Variants in NRXN3 observed in about 807,000 individuals in gnomAD.
The protein encoded by NRXN3 is neurexin 3, also known as neurexin III.
Under a neutral mutation model 137.6 loss-of-function variants are expected in NRXN3, and 32 were observed. The ratio of observed to expected loss-of-function variants is 0.23; its 90% CI spans 0.18 to 0.31. NRXN3 has a LOEUF of 0.31. Among genes scored for constraint, NRXN3 ranks in the 10% least tolerant of loss-of-function variants. The pLI, the probability that NRXN3 is intolerant of heterozygous loss-of-function variation, is 1.00. For missense variants in NRXN3, 1,574 were observed against 2,062.5 expected, an observed-to-expected ratio of 0.76 and a Z score of 4.59; for synonymous variants, 798 against 784.5, an observed-to-expected ratio of 1.02 and a Z score of -0.29.
chr14:78,978,977 G>A (rs1472736303), intron 14 of NRXN3, among the ~76,000 whole-genome samples: 1 of 151,948 alleles, frequency 6.6e-6, no homozygotes, highest in East Asian at 1.9e-4. Context: ...AGAACCAGGA[G>A]CACAAGTGTC....
intron 4 of NRXN3, among the ~76,000 whole-genome samples, chr14:78,308,747 T>G (rs939606365): frequency 6.6e-6 from 1 of 151,932 alleles, no homozygotes; most frequent in Non-Finnish European, 1.5e-5. Context: ...GTGTGTGTGT[T>G]TGTGTGTGTG....
At chr14:79,821,369 C>T (rs188018986) in intron 20 of NRXN3, among the ~76,000 whole-genome samples, 1 of 152,244 alleles carries the variant, frequency 6.6e-6, no homozygotes, top group Admixed American at 6.5e-5. Flanking sequence ...ATGAAATAGA[C>T]CAGACCAGAT....
At chr14:78,611,264 T>C (rs2097297980) in intron 4 of NRXN3, among the ~76,000 whole-genome samples, 1 of 152,212 alleles carries the variant, frequency 6.6e-6, no homozygotes, top group East Asian at 1.9e-4. Flanking sequence ...AAGGCTGTCA[T>C]GCTGGGGGGA....
chr14:79,021,354 G>A (rs1217736620), intron 15 of NRXN3, among the ~76,000 whole-genome samples: 1 of 152,156 alleles, frequency 6.6e-6, no homozygotes, highest in African/African-American at 2.4e-5. Context: ...GTTTTGATAT[G>A]GAAGATGCTC....
intron 15 of NRXN3, among the ~76,000 whole-genome samples, chr14:79,015,066 A>G (rs2099577061): frequency 6.6e-6 from 1 of 151,974 alleles, no homozygotes; most frequent in South Asian, 2.1e-4. Context: ...CTGTCTTCGC[A>G]ATGTCCCCAT....
chr14:79,417,166 G>A (rs2153526026), intron 15 of NRXN3, among the ~76,000 whole-genome samples: 1 of 152,012 alleles, frequency 6.6e-6, no homozygotes, highest in East Asian at 1.9e-4. Flanking sequence ...TATTTCATAG[G>A]CCAGGAATAG....
intron 15 of NRXN3, among the ~76,000 whole-genome samples, chr14:79,352,232 T>C (rs1041934556): frequency 4.8e-4 from 72 of 149,592 alleles, no homozygotes; most frequent in African/African-American, 1.7e-3. Flanking sequence ...AATGTCAGGG[T>C]AAAAAAAAAA....
chr14:79,493,858 T>C (rs900832502), intron 16 of NRXN3, among the ~76,000 whole-genome samples: 10 of 152,190 alleles, frequency 6.6e-5, no homozygotes, highest in Admixed American at 5.2e-4. Flanking sequence ...AAGGTCTATA[T>C]TAACTTTACA....
chr14:79,841,341 G>A (rs1568421948), intron 20 of NRXN3, among the ~76,000 whole-genome samples: 1 of 152,132 alleles, frequency 6.6e-6, no homozygotes, highest in African/African-American at 2.4e-5. Flanking sequence ...CGGCCCTATA[G>A]AGAGGAGAAA....
chr14:78,694,812 T>C (rs1393606365), intron 6 of NRXN3, among the ~76,000 whole-genome samples: 1 of 152,002 alleles, frequency 6.6e-6, no homozygotes, highest in Non-Finnish European at 1.5e-5. Flanking sequence ...AGTCCATGTA[T>C]AGCAAGCCTC....
At chr14:78,965,665 GT>G (rs1022907031) in intron 11 of NRXN3, among the ~76,000 whole-genome samples, 11 of 152,288 alleles carry the variant, frequency 7.2e-5, no homozygotes, top group African/African-American at 2.6e-4. Flanking sequence ...TGTGTGTTGT[GT>G]CTTTACAAGG....
intron 4 of NRXN3, among the ~76,000 whole-genome samples, chr14:78,329,966 T>C (rs1419613464): frequency 6.6e-6 from 1 of 152,174 alleles, no homozygotes; most frequent in African/African-American, 2.4e-5. Flanking sequence ...ATGGTTATTA[T>C]TGCAGTTACG....
chr14:78,626,286 CA>C (rs1601561267), intron 4 of NRXN3, among the ~76,000 whole-genome samples: 1 of 152,130 alleles, frequency 6.6e-6, no homozygotes, highest in Non-Finnish European at 1.5e-5. Flanking sequence ...GATTGCACTG[CA>C]AATATGTCTA....
At chr14:79,236,466 A>C (rs2073383811) in intron 15 of NRXN3, among the ~76,000 whole-genome samples, 2 of 152,172 alleles carry the variant, frequency 1.3e-5, no homozygotes, top group Admixed American at 1.3e-4. Context: ...TCAATATCTT[A>C]GAAGAAAATT....
chr14:79,129,004 C>T (rs1041391787), intron 15 of NRXN3, among the ~76,000 whole-genome samples: 6 of 152,272 alleles, frequency 3.9e-5, no homozygotes, highest in Non-Finnish European at 5.9e-5. Context: ...GTTTGTATTT[C>T]TGTGGGATCG....
At chr14:78,567,763 C>A (rs2096849702) in intron 4 of NRXN3, among the ~76,000 whole-genome samples, 1 of 151,964 alleles carries the variant, frequency 6.6e-6, no homozygotes, top group South Asian at 2.1e-4. Flanking sequence ...GCCCTGACTA[C>A]CCCTTCTCAT....
intron 10 of NRXN3, among the ~76,000 whole-genome samples, chr14:78,824,033 G>A (rs1373538508): frequency 2.0e-5 from 3 of 151,366 alleles, no homozygotes; most frequent in African/African-American, 4.8e-5. Context: ...ATACTGTAAA[G>A]AGGGAGAGAG....
At chr14:78,931,234 A>C (rs1285064520) in intron 10 of NRXN3, among the ~76,000 whole-genome samples, 2 of 152,132 alleles carry the variant, frequency 1.3e-5, no homozygotes, top group African/African-American at 4.8e-5. Context: ...TTTTTATTCA[A>C]ACATGTCAAG....
At chr14:78,795,401 G>A (rs1300803113) in intron 8 of NRXN3, among the ~76,000 whole-genome samples, 2 of 152,076 alleles carry the variant, frequency 1.3e-5, no homozygotes, top group Admixed American at 6.5e-5. Context: ...TTATTTGGAG[G>A]AGCCTCTGAA....
Sources: gnomAD v4.1 joint callset for allele counts (sites outside exome capture counted in the v4.1 genomes callset) on GRCh38, gnomAD v4.1.1 for gene constraint, MANE v1.5 for transcripts, NCBI Gene and HGNC (gene_info 2026-07-23, HGNC 2026-07-21) for gene names.